Variants in SGCZ observed in about 807,000 individuals in gnomAD.
SGCZ encodes sarcoglycan zeta.
Under a neutral mutation model 41.3 loss-of-function variants are expected in SGCZ, and 40 were observed. The ratio of observed to expected loss-of-function variants is 0.97; its 90% CI spans 0.75 to 1.26. The LOEUF is 1.26. Ranked by LOEUF, SGCZ falls within the 50% of genes most tolerant of loss-of-function variation. The pLI is 0.00. For missense variants in SGCZ, 552 were observed against 369.8 expected, an observed-to-expected ratio of 1.49 and a Z score of -4.04; for synonymous variants, 206 against 137.5, an observed-to-expected ratio of 1.50 and a Z score of -3.49.
intron 1 of SGCZ, among the ~76,000 whole-genome samples, chr8:14,832,176 T>C (rs563686473): frequency 6.6e-6 from 1 of 152,208 alleles, no homozygotes; most frequent in African/African-American, 2.4e-5. Context: ...CATCGTGACA[T>C]TAATTCTTTT....
intron 1 of SGCZ, among the ~76,000 whole-genome samples, chr8:15,019,614 A>T (rs1803176931): frequency 6.6e-6 from 1 of 151,480 alleles, no homozygotes; most frequent in Non-Finnish European, 1.5e-5. Flanking sequence ...AGCTCCTCTG[A>T]CCTGTGTTTG....
intron 3 of SGCZ, among the ~76,000 whole-genome samples, chr8:14,275,511 A>G (rs568180325): frequency 6.6e-6 from 1 of 151,990 alleles, no homozygotes; most frequent in Non-Finnish European, 1.5e-5. Context: ...CTGTTTGATC[A>G]CTCAGCACTT....
chr8:14,385,586 A>C (rs1402547807), intron 2 of SGCZ, among the ~76,000 whole-genome samples: 1 of 152,182 alleles, frequency 6.6e-6, no homozygotes, highest in Non-Finnish European at 1.5e-5. Flanking sequence ...AACCAAGGCT[A>C]AGTCATTCTG....
At chr8:15,194,210 C>CACACACAT (rs1554475055) in intron 1 of SGCZ, among the ~76,000 whole-genome samples, 1 of 151,778 alleles carries the variant, frequency 6.6e-6, no homozygotes, top group African/African-American at 2.4e-5. Context: ...CACACACACA[C>CACACACAT]ACACACACAC....
chr8:14,142,763 C>A (rs1370540318), intron 5 of SGCZ, among the ~76,000 whole-genome samples: 1 of 152,052 alleles, frequency 6.6e-6, no homozygotes, highest in African/African-American at 2.4e-5. Flanking sequence ...CTAGCACCAT[C>A]CCCCAGGTGC....
At chr8:14,338,314 T>G (rs1295232285) in intron 2 of SGCZ, among the ~76,000 whole-genome samples, 1 of 152,176 alleles carries the variant, frequency 6.6e-6, no homozygotes, top group African/African-American at 2.4e-5. Flanking sequence ...GCACCAACAA[T>G]AGAAAACTTA....
intron 2 of SGCZ, among the ~76,000 whole-genome samples, chr8:14,376,489 T>G (rs1479904014): frequency 1.3e-5 from 2 of 152,176 alleles, no homozygotes; most frequent in African/African-American, 4.8e-5. Flanking sequence ...TGAAATTAAC[T>G]TCTTCATCAG....
intron 1 of SGCZ, among the ~76,000 whole-genome samples, chr8:14,710,612 A>G (rs1288190198): frequency 1.3e-5 from 2 of 152,034 alleles, no homozygotes; most frequent in African/African-American, 4.8e-5. Flanking sequence ...TTATTTGTGT[A>G]TTTATTGTTT....
Position 14,283,999 on chromosome 8 carries a change from G to T in SGCZ, c.336+40104C>A, listed in dbSNP as rs370126079. Among the ~76,000 whole-genome samples the T allele has an allele frequency of 4.0e-4, 61 of 152,208 alleles. No homozygotes were observed. In the East Asian group the frequency reaches 9.3e-3, roughly 23 times the overall value. On this transcript the variant is annotated intron_variant, in intron 3 of 7. Transcript: ENST00000382080. ...TTTGTTTTATATAAGGTGTTATTAG[G>T]CATATGTAAATTTAAGATTTCTTAA... is the stretch of plus-strand genomic sequence containing the variant.
intron 1 of SGCZ, among the ~76,000 whole-genome samples, chr8:14,770,370 G>C (rs564651571): frequency 2.0e-5 from 3 of 151,376 alleles, no homozygotes; most frequent in African/African-American, 7.2e-5. Context: ...TTTGTGTGTT[G>C]AATAAATAGT....
chr8:14,282,325 AT>A (rs1299976078), intron 3 of SGCZ, among the ~76,000 whole-genome samples: 1 of 145,020 alleles, frequency 6.9e-6, no homozygotes, highest in African/African-American at 2.6e-5. Flanking sequence ...TCACATTACC[AT>A]TTGTCTGTCT....
At chr8:14,427,653 G>A (rs909861900) in intron 2 of SGCZ, among the ~76,000 whole-genome samples, 2 of 152,118 alleles carry the variant, frequency 1.3e-5, no homozygotes, top group African/African-American at 2.4e-5. Context: ...GAGTTAGGCG[G>A]TAATTGCTTC....
intron 2 of SGCZ, among the ~76,000 whole-genome samples, chr8:14,521,522 C>T (rs1476873864): frequency 1.3e-5 from 2 of 152,040 alleles, no homozygotes; most frequent in Non-Finnish European, 2.9e-5. Flanking sequence ...TTCCACAGTG[C>T]CAATGTACCC....
At chr8:14,922,167 G>C (rs772302835) in intron 1 of SGCZ, among the ~76,000 whole-genome samples, 2 of 151,942 alleles carry the variant, frequency 1.3e-5, no homozygotes, top group African/African-American at 2.4e-5. Context: ...CTGTGTAAAA[G>C]ATGATGCAGT....
chr8:14,643,331 T>G lies in SGCZ; in HGVS notation c.40-88405A>C, dbSNP rs1407692940. Among the ~76,000 whole-genome samples, 11 of 151,600 alleles carry G rather than the reference T, an allele frequency of 7.3e-5. No homozygotes were observed. In the Admixed American group the frequency reaches 7.3e-4, roughly 10 times the overall value. ...TTTCACTTTCTCTGTCTACCTGAAA[T>G]GTCATCTATTAGAGATATATTTGGA... On this transcript the variant is annotated intron_variant, in intron 1 of 7. Coordinates refer to ENST00000382080, the MANE Select transcript of SGCZ (RefSeq NM_139167.4).
chr8:15,027,173 A>G (rs916599834), intron 1 of SGCZ, among the ~76,000 whole-genome samples: 4 of 152,098 alleles, frequency 2.6e-5, no homozygotes, highest in Non-Finnish European at 5.9e-5. Context: ...TCTTTGGTAA[A>G]ATGAGTTTTT....
intron 1 of SGCZ, among the ~76,000 whole-genome samples, chr8:15,003,339 T>C (rs1238146919): frequency 6.6e-6 from 1 of 152,086 alleles, no homozygotes; most frequent in Non-Finnish European, 1.5e-5. Flanking sequence ...ATGTATAAAT[T>C]ACTCAGTCTC....
At position 14,491,935 on chromosome 8, in the gene SGCZ, C is replaced by A. The variant is rs1368570029; in HGVS notation, c.234+62797G>T. On this transcript the variant is annotated intron_variant, in intron 2 of 7. Transcript: ENST00000382080. ...TCATCACAGAATAATAAATTGCTAG[C>A]CATTAGTTACTCAGAAATTGTTCAA... Among the ~76,000 whole-genome samples, 4 of 151,258 alleles carry A rather than the reference C, an allele frequency of 2.6e-5. No individual in the cohort carries two copies. The Admixed American group carries it at 2.7e-4, about 10-fold the overall frequency.
At chr8:14,284,815 C>T (rs558763402) in intron 3 of SGCZ, among the ~76,000 whole-genome samples, 1 of 152,082 alleles carries the variant, frequency 6.6e-6, no homozygotes, top group Admixed American at 6.6e-5. Flanking sequence ...ACTATTTTCA[C>T]TAATAGAATA....
Sources: gnomAD v4.1 joint callset for allele counts (sites outside exome capture counted in the v4.1 genomes callset) on GRCh38, gnomAD v4.1.1 for gene constraint, MANE v1.5 for transcripts, NCBI Gene and HGNC (gene_info 2026-07-23, HGNC 2026-07-21) for gene names.